The following PPFIA2 variants were observed in gnomAD, a reference collection of about 807,000 sequenced individuals.
The protein encoded by PPFIA2 is PPFI scaffold protein A2, also known as liprin-alpha-2.
Under a neutral mutation model 175.5 loss-of-function variants are expected in PPFIA2, and 46 were observed. That is an observed-to-expected ratio of 0.26 (90% CI 0.21 to 0.34). The LOEUF (loss-of-function observed/expected upper bound fraction) is 0.34, where lower values mean the gene tolerates loss of function less well. PPFIA2 is among the 10% of genes least tolerant of loss of function. PPFIA2 has a pLI of 1.00. For synonymous variants in PPFIA2, 568 were observed against 511.4 expected (o/e 1.11, Z -1.49); for missense variants, 1,179 against 1,506.1 (o/e 0.78, Z 3.60).
intron 4 of PPFIA2, among the ~76,000 whole-genome samples, chr12:81,491,291 T>A (rs985708756): frequency 7.9e-5 from 12 of 151,946 alleles, no homozygotes; most frequent in Middle Eastern, 3.2e-3. Flanking sequence ...TATATTTAAT[T>A]CATTTTACAG....
chr12:81,678,458 A>G (rs149171913), intron 3 of PPFIA2, among the ~76,000 whole-genome samples: 52 of 152,010 alleles, frequency 3.4e-4, no homozygotes, highest in Non-Finnish European at 6.6e-4. Context: ...TCTATCTGAA[A>G]TGCTAACTGT....
intron 3 of PPFIA2, among the ~76,000 whole-genome samples, chr12:81,725,686 A>G (rs1223448112): frequency 6.6e-6 from 1 of 150,996 alleles, no homozygotes; most frequent in Non-Finnish European, 1.5e-5. Flanking sequence ...AAGAAAACAT[A>G]CATTGTAGAG....
chr12:81,748,746 A>G lies in PPFIA2; in HGVS notation c.249+5227T>C, dbSNP rs2083367890. Among the ~76,000 whole-genome samples the G allele has an allele frequency of 1.4e-5, 2 of 144,802 alleles. 1 individual carries two copies. Among genetic ancestry groups the G allele is most frequent in the Non-Finnish European group, 3.1e-5 (2 of 64,558 alleles). 95.0% of individuals were successfully genotyped at this position (144,802 alleles called of 152,430 possible). A position where few individuals can be genotyped will look rare whatever the true frequency, so the allele number is the denominator to read the frequency against. ...TGAGGTTTTTGTGTTGTTATATAGC[A>G]TTATTTAAGCAATGGATAACTGATG... On this transcript the variant is annotated intron_variant, in intron 3 of 32. Transcript: ENST00000549396.
At chr12:81,384,488 C>G (rs2038479857) in intron 8 of PPFIA2, among the ~76,000 whole-genome samples, 1 of 151,958 alleles carries the variant, frequency 6.6e-6, no homozygotes, top group African/African-American at 2.4e-5. Context: ...ATGCTATGCT[C>G]TCTCTATATA....
intron 14 of PPFIA2, among the ~76,000 whole-genome samples, chr12:81,366,215 T>C (rs547278918): frequency 1.3e-5 from 2 of 151,530 alleles, no homozygotes; most frequent in Non-Finnish European, 1.5e-5. Flanking sequence ...AAAAATAAGA[T>C]AAAATTGCTA....
chr12:81,445,519 A>G lies in PPFIA2; in HGVS notation c.570+37T>C, dbSNP rs377186223. The G allele has an allele frequency of 5.7e-6, 9 of 1,586,862 alleles. No individual in the cohort carries two copies. In the East Asian group the frequency reaches 6.8e-5, roughly 12 times the overall value. Reference sequence around the variant, plus strand: ...CAAAGAGCTTGATGCTGATGACAGAAGTGTAGTTAAGCTTGAACTCTTTTT... The same window carrying G: ...CAAAGAGCTTGATGCTGATGACAGAGGTGTAGTTAAGCTTGAACTCTTTTT... On this transcript the variant is annotated intron_variant, in intron 6 of 32. Coordinates refer to ENST00000549396, the MANE Select transcript of PPFIA2 (RefSeq NM_003625.5).
intron 3 of PPFIA2, among the ~76,000 whole-genome samples, chr12:81,684,501 G>A (rs540865250): frequency 6.6e-6 from 1 of 152,106 alleles, no homozygotes; most frequent in Non-Finnish European, 1.5e-5. Flanking sequence ...ATTATTGAAT[G>A]AATGATGTGA....
chr12:81,470,460 C>T (rs1296529850), intron 4 of PPFIA2, among the ~76,000 whole-genome samples: 2 of 152,210 alleles, frequency 1.3e-5, no homozygotes, highest in African/African-American at 4.8e-5. Flanking sequence ...GCCTCATACA[C>T]TGCTGGTGGG....
At chr12:81,443,293 A>C (rs960763161) in intron 6 of PPFIA2, among the ~76,000 whole-genome samples, 1 of 152,084 alleles carries the variant, frequency 6.6e-6, no homozygotes, top group Non-Finnish European at 1.5e-5. Flanking sequence ...CAAGTCACTT[A>C]TCCAGATCTG....
chr12:81,482,906 T>G (rs1305816709), intron 4 of PPFIA2, among the ~76,000 whole-genome samples: 1 of 152,002 alleles, frequency 6.6e-6, no homozygotes, highest in Non-Finnish European at 1.5e-5. Context: ...TGTGCTGGGA[T>G]CACAAAGAAT....
chr12:81,372,034 A>G (rs1350239023), intron 11 of PPFIA2, among the ~76,000 whole-genome samples: 1 of 151,740 alleles, frequency 6.6e-6, no homozygotes, highest in Admixed American at 6.6e-5. Context: ...CCAATTTTCA[A>G]CCAACACTAC....
At chr12:81,679,878 A>C (rs1040460006) in intron 3 of PPFIA2, among the ~76,000 whole-genome samples, 2 of 151,982 alleles carry the variant, frequency 1.3e-5, no homozygotes, top group African/African-American at 4.8e-5. Context: ...TATGTTGTAA[A>C]ATAATAGATA....
At chr12:81,687,021 C>T (rs549375320) in intron 3 of PPFIA2, among the ~76,000 whole-genome samples, 1 of 152,106 alleles carries the variant, frequency 6.6e-6, no homozygotes, top group Non-Finnish European at 1.5e-5. Context: ...ACTCATAAGA[C>T]ATGCAATTTC....
chr12:81,511,885 T>A (rs1201585685), intron 4 of PPFIA2, among the ~76,000 whole-genome samples: 17 of 152,020 alleles, frequency 1.1e-4, no homozygotes. Flanking sequence ...TTTCTTCTAC[T>A]CTTAGTTTTG....
intron 8 of PPFIA2, among the ~76,000 whole-genome samples, chr12:81,386,413 C>T (rs1234741538): frequency 6.6e-6 from 1 of 151,686 alleles, no homozygotes; most frequent in Non-Finnish European, 1.5e-5. Context: ...CACTTGAGGC[C>T]AGGAGTTTGA....
intron 4 of PPFIA2, among the ~76,000 whole-genome samples, chr12:81,499,237 CT>C (rs1410823284): frequency 6.6e-6 from 1 of 152,176 alleles, no homozygotes; most frequent in East Asian, 1.9e-4. Flanking sequence ...TGTTCTCTAT[CT>C]TTTATGACCA....
At chr12:81,356,379 A>T (rs2060853719) in intron 16 of PPFIA2, among the ~76,000 whole-genome samples, 1 of 151,932 alleles carries the variant, frequency 6.6e-6, no homozygotes, top group Non-Finnish European at 1.5e-5. Flanking sequence ...TATTTCGAGA[A>T]CTGGTAGGTG....
intron 4 of PPFIA2, among the ~76,000 whole-genome samples, chr12:81,613,502 T>C (rs531044289): frequency 1.3e-5 from 2 of 152,278 alleles, no homozygotes; most frequent in Admixed American, 1.3e-4. Flanking sequence ...ATATTTCTTC[T>C]CTGGATAAAT....
Position 81,370,709 on chromosome 12 carries a change from A to T in PPFIA2, c.1267-1515T>A, listed in dbSNP as rs17008444. Among the ~76,000 whole-genome samples, 430 of 152,026 alleles carry T rather than the reference A, an allele frequency of 2.8e-3. 4 individuals carry two copies. The highest frequency in any genetic ancestry group is 9.7e-3 in the African/African-American group (401 of 41,538). The stretch of plus-strand genomic sequence containing the variant: ...TTGGAGGTGACCGTCAGGTTACCAC[A>T]GGTGCAGAGTGTTCAACACATGTGA... On this transcript the variant is annotated intron_variant, in intron 11 of 32. Transcript: ENST00000549396.
Sources: gnomAD v4.1 joint callset for allele counts (sites outside exome capture counted in the v4.1 genomes callset) on GRCh38, gnomAD v4.1.1 for gene constraint, MANE v1.5 for transcripts, NCBI Gene and HGNC (gene_info 2026-07-23, HGNC 2026-07-21) for gene names.